Variants in TBC1D19 observed in about 807,000 individuals in gnomAD.
TBC1D19 encodes the protein TBC1 domain family, member 19.
TBC1D19 carries 60 observed loss-of-function variants against 89.0 expected under a neutral mutation model. That is an observed-to-expected ratio of 0.67 (90% CI 0.55 to 0.84). TBC1D19 has a LOEUF of 0.84. Among genes scored for constraint, TBC1D19 ranks in the 40% least tolerant of loss-of-function variants. The pLI is 0.00. For missense variants in TBC1D19, 500 were observed against 610.8 expected (o/e 0.82, Z 1.91); for synonymous variants, 189 against 199.7 (o/e 0.95, Z 0.45).
At chr4:26,853,315 G>A in the TBC1D19 span, among the ~76,000 whole-genome samples, 1 of 152,058 alleles carries the variant, frequency 6.6e-6, no homozygotes, top group Non-Finnish European at 1.5e-5. Context: ...ATTTTGTTCA[G>A]GTCAAAAGTT....
chr4:26,584,036 G>C, upstream of TBC1D19: 1 of 681,234 alleles, frequency 1.5e-6, no homozygotes, highest in East Asian at 2.8e-5. Context: ...AGAGAGGGAC[G>C]GACACAAGGC....
At chr4:26,858,001 T>G in the TBC1D19 span, 1 of 152,220 alleles carries the variant, frequency 6.6e-6, no homozygotes, top group Non-Finnish European at 1.5e-5. Flanking sequence ...CCAGAGCCAG[T>G]TCTCCCCAAG....
rs139968893 is a variant in TBC1D19 at position 26,714,298 on chromosome 4, A to G, written c.955-3635A>G. Among the ~76,000 whole-genome samples, 60 of 152,150 alleles carry G rather than the reference A, an allele frequency of 3.9e-4. No individual in the cohort carries two copies. The East Asian group carries it at 0.011, about 29-fold the overall frequency. The stretch of plus-strand genomic sequence containing the variant: ...TATTATACTTTAAGTTTTAGGGTAC[A>G]TGTGCACAACGTGCAGGTTAGTTAC... On this transcript the variant is annotated intron_variant, in intron 13 of 20. Transcript: ENST00000264866.
rs1337562433 is a variant in TBC1D19, at chr4:26,629,840, A to G, written c.295-7371A>G. Among the ~76,000 whole-genome samples, 4 of 152,032 alleles carry G rather than the reference A, an allele frequency of 2.6e-5. No homozygotes were observed. The East Asian group carries it at 5.8e-4, about 22-fold the overall frequency. On this transcript the variant is annotated intron_variant, in intron 4 of 20. Transcript: ENST00000264866. ...AAACAACATAATTTCACTTTAATCC[A>G]AAATATATATGTTTTTATGTCTCAA...
At chr4:26,591,819 C>A (rs912390753) in intron 1 of TBC1D19, among the ~76,000 whole-genome samples, 2 of 152,234 alleles carry the variant, frequency 1.3e-5, no homozygotes, top group Admixed American at 1.3e-4. Flanking sequence ...AGGCCAATAA[C>A]AGGCTCTGAA....
chr4:26,698,785 G>C (rs1715042182), intron 13 of TBC1D19, among the ~76,000 whole-genome samples: 1 of 152,128 alleles, frequency 6.6e-6, no homozygotes, highest in Non-Finnish European at 1.5e-5. Flanking sequence ...TTTAATAAAT[G>C]GTGCTGGGAA....
chr4:26,806,695 A>G, the TBC1D19 span, among the ~76,000 whole-genome samples: 320 of 152,358 alleles, frequency 2.1e-3, no homozygotes, highest in African/African-American at 7.3e-3. Context: ...CTTTGCAGAC[A>G]CAATTAGTTA....
the TBC1D19 span, among the ~76,000 whole-genome samples, chr4:26,832,166 A>G: frequency 5.9e-5 from 9 of 152,194 alleles, no homozygotes; most frequent in Admixed American, 1.3e-4. Flanking sequence ...AAATAAAACT[A>G]TATTCTTTAA....
intron 11 of TBC1D19, among the ~76,000 whole-genome samples, chr4:26,674,849 A>T (rs1156882294): frequency 6.6e-6 from 1 of 152,042 alleles, no homozygotes; most frequent in African/African-American, 2.4e-5. Flanking sequence ...TATAATTAAT[A>T]ATGATGTTTT....
chr4:26,845,791 CAAGTGA>C, the TBC1D19 span, among the ~76,000 whole-genome samples: 1 of 152,132 alleles, frequency 6.6e-6, no homozygotes, highest in Non-Finnish European at 1.5e-5. Flanking sequence ...GAATGAGGAC[CAAGTGA>C]AAAGGATTTC....
chr4:26,605,193 TC>T (rs1156937464), intron 1 of TBC1D19, among the ~76,000 whole-genome samples: 1 of 121,578 alleles, frequency 8.2e-6, no homozygotes, highest in East Asian at 2.7e-4. Context: ...CCTAATGCTA[TC>T]CCTCCCCCCT....
the TBC1D19 span, among the ~76,000 whole-genome samples, chr4:26,842,618 T>C: frequency 6.9e-6 from 1 of 145,408 alleles, no homozygotes; most frequent in African/African-American, 2.6e-5. Context: ...CTTTCTTTCT[T>C]TCTTTCTTTC....
chr4:26,718,396 G>T (rs1716777293), intron 14 of TBC1D19, among the ~76,000 whole-genome samples: 1 of 151,962 alleles, frequency 6.6e-6, no homozygotes, highest in East Asian at 1.9e-4. Flanking sequence ...ACAAAACTTT[G>T]ATACAATTTA....
the TBC1D19 span, among the ~76,000 whole-genome samples, chr4:26,842,591 T>TCTTTCTTTCTTC: frequency 3.5e-5 from 3 of 86,742 alleles, no homozygotes; most frequent in Admixed American, 3.4e-4. Context: ...TCCCTTTCTT[T>TCTTTCTTTCTTC]CTTTCTTTCT....
chr4:26,578,217 T>C (rs1472883033), intron 1 of TBC1D19, among the ~76,000 whole-genome samples: 5 of 152,190 alleles, frequency 3.3e-5, no homozygotes, highest in Non-Finnish European at 5.9e-5. Flanking sequence ...GTAGAGCTCC[T>C]TGCTGTGCCT....
At chr4:26,705,971 T>G (rs1014960068) in intron 13 of TBC1D19, among the ~76,000 whole-genome samples, 4 of 152,064 alleles carry the variant, frequency 2.6e-5, no homozygotes, top group African/African-American at 9.7e-5. Flanking sequence ...TTCACAGGCT[T>G]GATCATAGCA....
intron 1 of TBC1D19, among the ~76,000 whole-genome samples, chr4:26,592,604 A>C (rs1354960218): frequency 6.6e-6 from 1 of 152,144 alleles, no homozygotes; most frequent in Non-Finnish European, 1.5e-5. Context: ...GTCTCAGCCC[A>C]AAATCTCCTT....
intron 15 of TBC1D19, among the ~76,000 whole-genome samples, chr4:26,721,185 C>T (rs908647118): frequency 6.6e-6 from 1 of 151,976 alleles, no homozygotes; most frequent in Non-Finnish European, 1.5e-5. Context: ...ATATCCAGTT[C>T]GTACCTCTCC....
At chr4:26,742,347 T>A (rs1257994244) in intron 17 of TBC1D19, among the ~76,000 whole-genome samples, 161 bp from the exon 18 acceptor site, 1 of 152,246 alleles carries the variant, frequency 6.6e-6, no homozygotes, top group Non-Finnish European at 1.5e-5. Flanking sequence ...CTAAACACAA[T>A]GTTAGAGATT....
Sources: gnomAD v4.1 joint callset for allele counts (sites outside exome capture counted in the v4.1 genomes callset) on GRCh38, gnomAD v4.1.1 for gene constraint, MANE v1.5 for transcripts, NCBI Gene and HGNC (gene_info 2026-07-23, HGNC 2026-07-21) for gene names.